SLC13A5: variants seen among roughly 807,000 people sequenced by gnomAD.
The protein encoded by SLC13A5 is solute carrier family 13 member 5, also known as Na(+)/citrate cotransporter.
SLC13A5 carries 25 observed loss-of-function variants against 56.5 expected under a neutral mutation model. The observed-to-expected ratio is 0.44, with a 90% CI of 0.32 to 0.62. The LOEUF (loss-of-function observed/expected upper bound fraction) is 0.62, where lower values mean the gene tolerates loss of function less well. Among genes scored for constraint, SLC13A5 ranks in the 20% least tolerant of loss-of-function variants. SLC13A5 has a pLI of 0.04. For synonymous variants in SLC13A5, 307 were observed against 301.5 expected (o/e 1.02, Z -0.19); for missense variants, 649 against 737.8 (o/e 0.88, Z 1.39).
At chr17:6,693,809 T>C (rs1260268812) in intron 8 of SLC13A5, among the ~76,000 whole-genome samples, 1 of 152,162 alleles carries the variant, frequency 6.6e-6, no homozygotes, top group East Asian at 1.9e-4. Flanking sequence ...AAACAAAAAA[T>C]TGTGCTGAAT....
Position 6,690,765 on chromosome 17 carries a change from G to C in SLC13A5, c.1437+14C>G. On this transcript the variant is annotated intron_variant, in intron 10 of 11. Coordinates refer to ENST00000433363, the MANE Select transcript of SLC13A5 (RefSeq NM_177550.5). ...TGAAATGGAAGGGCTCCTCCCCACT[G>C]TCAGGTTACTTACCATGGAGGCAAA... 1 of 1,614,190 alleles carries C rather than the reference G, an allele frequency of 6.2e-7. No individual in the cohort carries two copies. The highest frequency in any genetic ancestry group is 8.5e-7 in the Non-Finnish European group (1 of 1,180,018).
chr17:6,713,104 C>T lies in SLC13A5; in HGVS notation c.102+128G>A, dbSNP rs551816418. On this transcript the variant is annotated intron_variant, in intron 1 of 11. Coordinates refer to ENST00000433363, the MANE Select transcript of SLC13A5 (RefSeq NM_177550.5). The surrounding 1 kb of genome is among the most constrained non-coding windows in gnomAD (Gnocchi z 7.3). ...ATCCGGCACCTGGAGCTCCTGAGTGCGCGCGCCCCGGGAGAGCTGTGCTCC... is the reference window on the plus strand; with the variant it reads ...ATCCGGCACCTGGAGCTCCTGAGTGTGCGCGCCCCGGGAGAGCTGTGCTCC... 22 of 896,924 alleles carry T rather than the reference C, an allele frequency of 2.5e-5. 1 individual carries two copies. The Middle Eastern group carries it at 8.9e-4, about 36-fold the overall frequency. The allele number at this position is 896,924 out of a possible 1,614,324, so 55.6% of individuals were successfully genotyped here.
chr17:6,701,939 G>T lies in SLC13A5; in HGVS notation c.717-813C>A, dbSNP rs1284663448. On this transcript the variant is annotated intron_variant, in intron 5 of 11. Transcript: ENST00000433363. The surrounding 1 kb of genome is among the most constrained non-coding windows in gnomAD (Gnocchi z 4.1). ...CCGGGGCTCTGCTAGCCCCAGGGGC[G>T]CCCCCTTTAGCTCAAGAGTGTCAAA... Among the ~76,000 whole-genome samples, 1 of 152,114 alleles carries T rather than the reference G, an allele frequency of 6.6e-6. No individual in the cohort carries two copies. The highest frequency in any genetic ancestry group is 1.9e-4 in the East Asian group (1 of 5,176).
intron 7 of SLC13A5, 180 bp downstream of exon 7, chr17:6,695,546 T>A: frequency 1.7e-6 from 1 of 572,304 alleles, no homozygotes; most frequent in Non-Finnish European, 3.1e-6. Context: ...TGTGCCACCA[T>A]GCCTCGCTAA....
chr17:6,700,931 T>TTGAGTC, intron 6 of SLC13A5, 73 bp downstream of exon 6: 1 of 1,599,444 alleles, frequency 6.3e-7, no homozygotes, highest in Non-Finnish European at 8.5e-7. Flanking sequence ...AACCTGCCTA[T>TTGAGTC]TGAGTCTGAG....
In SLC13A5 at chr17:6,701,600, A is replaced by T. The variant is rs1973714735; in HGVS notation, c.717-474T>A. 6.6e-6 allele frequency among the ~76,000 whole-genome samples: 1 copy of T among 152,124 alleles called. No homozygotes were observed. Among genetic ancestry groups the T allele is most frequent in the African/African-American group, 2.4e-5 (1 of 41,428 alleles). Reference sequence around the variant, plus strand: ...TGGCGGGCGCCTGTAATCCCAGCTAATAGGGAGGCTGAAGCGGGAGAATCG... The same window carrying T: ...TGGCGGGCGCCTGTAATCCCAGCTATTAGGGAGGCTGAAGCGGGAGAATCG... On this transcript the variant is annotated intron_variant, in intron 5 of 11. Transcript: ENST00000433363. This position sits in a 1 kb window ranked among gnomAD's most constrained non-coding sequence, Gnocchi z 4.1.
Position 6,701,955 on chromosome 17 carries a change from G to T in SLC13A5, c.717-829C>A, listed in dbSNP as rs1973726181. Among the ~76,000 whole-genome samples, 1 of 152,182 alleles carries T rather than the reference G, an allele frequency of 6.6e-6. No individual in the cohort carries two copies. Among genetic ancestry groups the T allele is most frequent in the Non-Finnish European group, 1.5e-5 (1 of 68,038 alleles). On this transcript the variant is annotated intron_variant, in intron 5 of 11. Coordinates refer to ENST00000433363, the MANE Select transcript of SLC13A5 (RefSeq NM_177550.5). This position sits in a 1 kb window ranked among gnomAD's most constrained non-coding sequence, Gnocchi z 4.1. ...CCCAGGGGCGCCCCCTTTAGCTCAA[G>T]AGTGTCAAAGCAGGCGCAGAGCTTT...
chr17:6,693,999 T>C (rs1973487482), intron 8 of SLC13A5, 98 bp downstream of exon 8: 1 of 623,294 alleles, frequency 1.6e-6, no homozygotes, highest in Non-Finnish European at 2.6e-6. Flanking sequence ...TTGGATATGA[T>C]GGGATTTTCT....
At position 6,701,002 on chromosome 17, in the gene SLC13A5, A is replaced by G. The variant is rs1251416228; in HGVS notation, c.839+2T>C. The G allele has an allele frequency of 6.2e-7, 1 of 1,614,124 alleles. No homozygotes were observed. The highest frequency in any genetic ancestry group is 1.1e-5 in the South Asian group (1 of 91,090). On this transcript the variant is annotated splice_donor_variant, in intron 6 of 11. Transcript: ENST00000433363. LOFTEE classifies it high-confidence loss of function. This position sits in a 1 kb window ranked among gnomAD's most constrained non-coding sequence, Gnocchi z 4.1. ...ATTAGGCTGTGAGCAGCTCAAACTT[A>G]CTTGAATCTCATGTAAACAAACTGG...
At chr17:6,708,813 C>T (rs1450641083) in intron 1 of SLC13A5, among the ~76,000 whole-genome samples, 1 of 152,202 alleles carries the variant, frequency 6.6e-6, no homozygotes, top group Non-Finnish European at 1.5e-5. Flanking sequence ...CCCACGCTCA[C>T]TCAGACAGGG....
At chr17:6,703,554 G>A (rs1202238474) in intron 4 of SLC13A5, among the ~76,000 whole-genome samples, 3 of 152,186 alleles carry the variant, frequency 2.0e-5, no homozygotes, top group African/African-American at 7.2e-5. Context: ...CCTTGAGGAT[G>A]AGCAGGAGTA....
chr17:6,709,102 C>CT (rs35144037), intron 1 of SLC13A5, among the ~76,000 whole-genome samples: 3 of 150,060 alleles, frequency 2.0e-5, no homozygotes, highest in African/African-American at 7.4e-5. Flanking sequence ...GGGATCCTTC[C>CT]TTTTTTTTCC....
chr17:6,687,669 G>T lies in SLC13A5; in HGVS notation c.1438-3C>A, dbSNP rs1973286161. On this transcript the variant is annotated splice_region_variant and splice_polypyrimidine_tract_variant and intron_variant, in intron 10 of 11. Coordinates refer to ENST00000433363, the MANE Select transcript of SLC13A5 (RefSeq NM_177550.5). This position sits in a 1 kb window ranked among gnomAD's most constrained non-coding sequence, Gnocchi z 5.0. ...GGATTGAGGCCGATGGAGCGAGACTGCGGAAAAACAGCACTGCAACATCAC... is the reference window on the plus strand; with the variant it reads ...GGATTGAGGCCGATGGAGCGAGACTTCGGAAAAACAGCACTGCAACATCAC... 6.3e-7 allele frequency: 1 copy of T among 1,590,030 alleles called. No homozygotes were observed. Among genetic ancestry groups the T allele is most frequent in the African/African-American group, 1.4e-5 (1 of 73,722 alleles).
At chr17:6,690,095 A>AC (rs371358450) in intron 10 of SLC13A5, 1 of 119,590 alleles carries the variant, frequency 8.4e-6, no homozygotes, top group Non-Finnish European at 1.7e-5. Flanking sequence ...AAAAAAAAAA[A>AC]CCATAGCCAC....
chr17:6,688,436 T>C (rs1973308088), intron 10 of SLC13A5: 1 of 152,180 alleles, frequency 6.6e-6, no homozygotes, highest in African/African-American at 2.4e-5. Flanking sequence ...AGGAAAGCTC[T>C]CCAAGATAAC....
intron 11 of SLC13A5, 117 bp from the exon 12 acceptor site, chr17:6,686,455 G>GA: frequency 7.2e-7 from 1 of 1,382,964 alleles, no homozygotes; most frequent in Non-Finnish European, 9.9e-7. Context: ...TCTGTCCCTG[G>GA]CTGGGGTGTC....
At chr17:6,709,100 T>C (rs1335791428) in intron 1 of SLC13A5, among the ~76,000 whole-genome samples, 2 of 150,716 alleles carry the variant, frequency 1.3e-5, no homozygotes, top group African/African-American at 4.9e-5. Flanking sequence ...AAGGGATCCT[T>C]CCTTTTTTTT....
In SLC13A5 at chr17:6,686,413, G is replaced by A; in HGVS notation, c.1576-75C>T. ...TCTCAGAGAGGAGGACAAAGGGTCG[G>A]CTCACTGGGCCTCGATGTCCCTGTG... is the stretch of plus-strand genomic sequence containing the variant. On this transcript the variant is annotated intron_variant, in intron 11 of 11. Coordinates refer to ENST00000433363, the MANE Select transcript of SLC13A5 (RefSeq NM_177550.5). The A allele has an allele frequency of 1.9e-6, 3 of 1,585,990 alleles. No homozygotes were observed. The East Asian group carries it at 6.7e-5, about 36-fold the overall frequency.
chr17:6,695,682 C>T (rs764921863), intron 7 of SLC13A5, 44 bp downstream of exon 7: 28 of 1,602,798 alleles, frequency 1.7e-5, no homozygotes, highest in South Asian at 1.5e-4. Flanking sequence ...TGAGCCAACG[C>T]GCCTGGCCCT....
Sources: gnomAD v4.1 joint callset for allele counts (sites outside exome capture counted in the v4.1 genomes callset) on GRCh38, gnomAD v4.1.1 for gene constraint, Gnocchi (gnomAD v3.1) non-coding constraint, MANE v1.5 for transcripts, NCBI Gene and HGNC (gene_info 2026-07-23, HGNC 2026-07-21) for gene names.